The following GBP4 variants were observed in gnomAD, a reference collection of about 807,000 sequenced individuals.
GBP4 encodes the protein guanylate-binding protein 4.
Under a neutral mutation model 62.2 loss-of-function variants are expected in GBP4, and 69 were observed. That is an observed-to-expected ratio of 1.11 (90% CI 0.91 to 1.36). GBP4 has a LOEUF of 1.36. GBP4 is among the 40% of genes most tolerant of loss of function. The probability of loss-of-function intolerance (pLI) is 0.00; values close to 1 mark genes in which losing one functional copy is unlikely to be tolerated. For synonymous variants in GBP4, 278 were observed against 274.6 expected (o/e 1.01, Z -0.12); for missense variants, 697 against 759.3 (o/e 0.92, Z 0.96).
rs746860813 is a variant in GBP4, at chr1:89,186,359, CA to C, written c.1680del (p.His560GlnfsTer5). 40 of 1,613,106 alleles carry C rather than the reference CA, an allele frequency of 2.5e-5. No individual in the cohort carries two copies. The Admixed American group carries it at 6.0e-4, about 24-fold the overall frequency. On this transcript the variant is annotated frameshift_variant, in exon 10 of 11. Coordinates refer to ENST00000355754, the MANE Select transcript of GBP4 (RefSeq NM_052941.5). LOFTEE classifies it low-confidence loss of function (END_TRUNC). ...EEERENLLRE[H>X]ERLLKHKLKV... is the part of the protein sequence containing the mutation. ...TTCAGCTTGTGTTTTAGCAGCCTTT[CA>C]TGCTCTCTGAGAAGGTTTTCCCTTT...
Position 89,198,712 on chromosome 1 carries a change from G to A in GBP4, c.40+83C>T, listed in dbSNP as rs115844448. On this transcript the variant is annotated intron_variant, in intron 1 of 10. Transcript: ENST00000355754. ...CAGTGTGAAGTCTCCAACCCTCCCC[G>A]TGTGCAGTCTGCGCTTGGGAATTTG... 7.6e-6 allele frequency: 9 copies of A among 1,183,328 alleles called. No individual in the cohort carries two copies. The East Asian group carries it at 1.4e-4, about 18-fold the overall frequency. 73.3% of individuals were successfully genotyped at this position (1,183,328 alleles called of 1,614,324 possible). A position where few individuals can be genotyped will look rare whatever the true frequency, so the allele number is the denominator to read the frequency against.
intron 9 of GBP4, 135 bp from the exon 10 acceptor site, chr1:89,186,661 C>T (rs1648045706): frequency 1.2e-6 from 1 of 808,694 alleles, no homozygotes; most frequent in Admixed American, 2.9e-5. Context: ...ATCTCACTAG[C>T]CATGTCTGGA....
At chr1:89,195,183 C>T (rs919396931) in intron 3 of GBP4, 114 bp downstream of exon 3, 44 of 1,089,578 alleles carry the variant, frequency 4.0e-5, no homozygotes, top group South Asian at 3.5e-4. Context: ...AGAATTTAGC[C>T]TCATTATTCA....
Position 89,184,799 on chromosome 1 carries a change from A to G in GBP4, c.*455T>C, listed in dbSNP as rs1259707707. 1 of 153,044 alleles carries G rather than the reference A, an allele frequency of 6.5e-6. No homozygotes were observed. Among genetic ancestry groups the G allele is most frequent in the Non-Finnish European group, 1.5e-5 (1 of 68,704 alleles). The allele number at this position is 153,044 out of a possible 1,614,324, so 9.5% of individuals were successfully genotyped here. ...ATTATCTGCACACCAAACCCCCATG[A>G]CATGCAGTTTACCTATGTAACAAAC... is the stretch of plus-strand genomic sequence containing the variant. On this transcript the variant is annotated 3_prime_UTR_variant, in exon 11 of 11. Coordinates refer to ENST00000355754, the MANE Select transcript of GBP4 (RefSeq NM_052941.5).
rs940984450 is a variant in GBP4 at position 89,191,522 on chromosome 1, A to C, written c.671-16T>G. 1.2e-5 allele frequency: 20 copies of C among 1,606,964 alleles called. No individual in the cohort carries two copies. The highest frequency in any genetic ancestry group is 1.7e-5 in the Non-Finnish European group (20 of 1,175,200). ...GGATTCTTGCCTGTGGAATTGTAAA[A>C]AAGAGGGCTCATTGAAGAGACAGCC... is the stretch of plus-strand genomic sequence containing the variant. On this transcript the variant is annotated splice_polypyrimidine_tract_variant and intron_variant, in intron 5 of 10. Transcript: ENST00000355754.
chr1:89,187,403 G>A (rs980720667), intron 8 of GBP4, among the ~76,000 whole-genome samples: 1 of 152,082 alleles, frequency 6.6e-6, no homozygotes. Context: ...ACATAAATGG[G>A]CAGTTCTACA....
At chr1:89,193,125 A>G (rs1337503734) in intron 4 of GBP4, 25 bp from the exon 5 acceptor site, 2 of 1,608,294 alleles carry the variant, frequency 1.2e-6, no homozygotes, top group East Asian at 4.5e-5. Flanking sequence ...AAGGAAGGAT[A>G]GCACCCTACA....
At position 89,185,483 on chromosome 1, in the gene GBP4, A is replaced by T; in HGVS notation, c.1708-14T>A. On this transcript the variant is annotated splice_polypyrimidine_tract_variant and intron_variant, in intron 10 of 10. Coordinates refer to ENST00000355754, the MANE Select transcript of GBP4 (RefSeq NM_052941.5). ...TTCTTCTTGTACCTATAAAAGGGAAATAGTCCACTTTTGAAAATCTCCAAT... is the reference window on the plus strand; with the variant it reads ...TTCTTCTTGTACCTATAAAAGGGAATTAGTCCACTTTTGAAAATCTCCAAT... 7.4e-7 allele frequency: 1 copy of T among 1,355,590 alleles called. No homozygotes were observed. The highest frequency in any genetic ancestry group is 1.0e-6 in the Non-Finnish European group (1 of 958,704). 84.0% of individuals were successfully genotyped at this position (1,355,590 alleles called of 1,614,324 possible). A position where few individuals can be genotyped will look rare whatever the true frequency, so the allele number is the denominator to read the frequency against.
At position 89,192,406 on chromosome 1, in the gene GBP4, G is replaced by A. The variant is rs150798186; in HGVS notation, c.670+498C>T. ...TTTTTAACTTCCTGGATCGTTTGCT[G>A]TATAAATCTCCTTTTTCTCTAAAGG... On this transcript the variant is annotated intron_variant, in intron 5 of 10. Transcript: ENST00000355754. Among the ~76,000 whole-genome samples the A allele has an allele frequency of 6.2e-3, 947 of 152,142 alleles. 12 individuals carry two copies. The highest frequency in any genetic ancestry group is 0.022 in the African/African-American group (892 of 41,480).
At position 89,190,112 on chromosome 1, in the gene GBP4, C is replaced by G. The variant is rs41302774; in HGVS notation, c.1123G>C (p.Glu375Gln). The change falls in exon 7 of 11, where the codon GAG becomes CAG. Residue 375 changes from glutamate (E) to glutamine (Q), a missense_variant. Transcript: ENST00000355754. ...ATGAAGACTGCAATGGCTTCCCTCT[C>G]ACAGGCTGCATGCACGTCCAGCAGC... ...QELLDVHAAC[E>Q]REAIAVFMEH... 2,475 of 1,614,180 alleles carry G rather than the reference C, an allele frequency of 1.5e-3. No individual in the cohort carries two copies. Among genetic ancestry groups the G allele is most frequent in the Non-Finnish European group, 1.9e-3 (2,292 of 1,180,022 alleles).
rs138693968 is a variant in GBP4 at position 89,195,304 on chromosome 1, A to G, written c.356T>C (p.Val119Ala). The change falls in exon 3 of 11, where the codon GTA (valine) becomes GCA (alanine). Residue 119 changes from valine (V) to alanine (A), a missense_variant. Transcript: ENST00000355754. Reference sequence around the variant, plus strand: ...GAAGTTTCTCTGCCTTACCTTTTCTACATCGCCCAGGCCCTCGGTGTCCAG... The same window carrying G: ...GAAGTTTCTCTGCCTTACCTTTTCTGCATCGCCCAGGCCCTCGGTGTCCAG... ...VLLDTEGLGD[V>A]EKSNPKNDSW... The G allele has an allele frequency of 5.6e-5, 90 of 1,613,702 alleles. No homozygotes were observed. The highest frequency in any genetic ancestry group is 7.0e-5 in the Non-Finnish European group (82 of 1,179,804).
intron 2 of GBP4, among the ~76,000 whole-genome samples, 184 bp downstream of exon 2, chr1:89,196,926 T>A (rs186411954): frequency 2.0e-5 from 3 of 152,322 alleles, no homozygotes; most frequent in African/African-American, 7.2e-5. Context: ...AGGGTTGAGA[T>A]GATTCTTTAC....
chr1:89,187,869 T>A (rs1648079248), intron 8 of GBP4, among the ~76,000 whole-genome samples: 1 of 152,208 alleles, frequency 6.6e-6, no homozygotes, highest in Admixed American at 6.5e-5. Flanking sequence ...AAAAGGGAAT[T>A]CTTGGAAACT....
chr1:89,197,826 A>G (rs1648388062), intron 1 of GBP4, among the ~76,000 whole-genome samples: 1 of 152,196 alleles, frequency 6.6e-6, no homozygotes, highest in African/African-American at 2.4e-5. Flanking sequence ...AGCAAGGAAC[A>G]TAATTGATAC....
intron 3 of GBP4, among the ~76,000 whole-genome samples, chr1:89,194,642 C>A (rs566179675): frequency 6.6e-6 from 1 of 152,234 alleles, no homozygotes; most frequent in Admixed American, 6.5e-5. Context: ...CACTTTAAGA[C>A]AAAATACCTA....
rs1648104679 is a variant in GBP4 at position 89,188,699 on chromosome 1, G to C, written c.1293C>G (p.His431Gln). The C allele has an allele frequency of 6.2e-7, 1 of 1,614,062 alleles. No individual in the cohort carries two copies. The highest frequency in any genetic ancestry group is 8.5e-7 in the Non-Finnish European group (1 of 1,180,028). Residue 431 changes from histidine to glutamine, a missense_variant, in exon 8 of 11, where the codon CAC (histidine) becomes CAG (glutamine). By Grantham distance (24) the His-to-Gln change is conservative. Transcript: ENST00000355754. ...CQAELKRLSEHLTESILRGIF... is the reference protein window; with the variant it reads ...CQAELKRLSEQLTESILRGIF... ...TTCCTCTCAAAATGCTTTCTGTCAGGTGCTCTGAAAGCCGCTTAAGCTCAG... is the reference window on the plus strand; with the variant it reads ...TTCCTCTCAAAATGCTTTCTGTCAGCTGCTCTGAAAGCCGCTTAAGCTCAG...
chr1:89,196,174 A>G (rs1428883117), intron 2 of GBP4, among the ~76,000 whole-genome samples: 1 of 152,200 alleles, frequency 6.6e-6, no homozygotes, highest in East Asian at 1.9e-4. Context: ...AAACTGGAAA[A>G]ATACCAATTT....
In GBP4 at chr1:89,193,430, C is replaced by CAA. The variant is rs774576903; in HGVS notation, c.364-20_364-19dup. 6.3e-7 allele frequency: 1 copy of CAA among 1,592,498 alleles called. No homozygotes were observed. Among genetic ancestry groups the CAA allele is most frequent in the South Asian group, 1.1e-5 (1 of 90,576 alleles). On this transcript the variant is annotated intron_variant, in intron 3 of 10. Coordinates refer to ENST00000355754, the MANE Select transcript of GBP4 (RefSeq NM_052941.5). Reference sequence around the variant, plus strand: ...GGGTTACTCTAGAAAGCATATAAAGCAAAAGACTTAGGAGTATTCTCTTCA... The same window carrying CAA: ...GGGTTACTCTAGAAAGCATATAAAGCAAAAAAGACTTAGGAGTATTCTCTTCA...
At chr1:89,193,548 G>T in intron 3 of GBP4, 136 bp from the exon 4 acceptor site, 1 of 674,948 alleles carries the variant, frequency 1.5e-6, no homozygotes. Flanking sequence ...AGCCAATGCT[G>T]AATTCAAACT....
Sources: allele counts gnomAD v4.1 joint callset (sites outside exome capture counted in the v4.1 genomes callset), GRCh38; gene constraint gnomAD v4.1.1; transcripts MANE v1.5; gene names NCBI Gene and HGNC (gene_info 2026-07-23, HGNC 2026-07-21).